SCHIP1: variants seen among roughly 807,000 people sequenced by gnomAD.
SCHIP1 encodes schwannomin interacting protein 1, also known as schwannomin-interacting protein 1.
SCHIP1 carries 8 observed loss-of-function variants against 29.7 expected under a neutral mutation model. The observed-to-expected ratio is 0.27, with a 90% CI of 0.16 to 0.49. The LOEUF (loss-of-function observed/expected upper bound fraction) is 0.49, where lower values mean the gene tolerates loss of function less well. SCHIP1 is among the 20% of genes least tolerant of loss of function. The pLI, the probability that SCHIP1 is intolerant of heterozygous loss-of-function variation, is 0.99. For missense variants in SCHIP1, 193 were observed against 294.6 expected, an observed-to-expected ratio of 0.66 and a Z score of 2.52; for synonymous variants, 76 against 94.9, an observed-to-expected ratio of 0.80 and a Z score of 1.16.
At chr3:159,582,536 G>C in the SCHIP1 span, among the ~76,000 whole-genome samples, 2 of 151,956 alleles carry the variant, frequency 1.3e-5, no homozygotes. Flanking sequence ...CTTTTGCCAG[G>C]CAGCCTGAGT....
chr3:159,877,102 A>G (rs534440376), intron 2 of SCHIP1, among the ~76,000 whole-genome samples: 7 of 152,330 alleles, frequency 4.6e-5, no homozygotes, highest in Non-Finnish European at 5.9e-5. Context: ...TAATCCCAGC[A>G]CTTTAGGAGG....
At chr3:159,837,848 C>T (rs958136285), upstream of SCHIP1, among the ~76,000 whole-genome samples, 2 of 152,174 alleles carry the variant, frequency 1.3e-5, no homozygotes, top group African/African-American at 4.8e-5. Flanking sequence ...TTTCTTATCC[C>T]TGAAAAGTTT....
chr3:159,713,256 GA>G, the SCHIP1 span, among the ~76,000 whole-genome samples: 6 of 147,368 alleles, frequency 4.1e-5, no homozygotes, highest in South Asian at 6.5e-4. Flanking sequence ...AAGAAAGAAA[GA>G]AAGAAAGAAA....
chr3:159,792,924 A>G, the SCHIP1 span, among the ~76,000 whole-genome samples: 2 of 152,218 alleles, frequency 1.3e-5, no homozygotes, highest in Non-Finnish European at 1.5e-5. Context: ...GAATTTGTTC[A>G]TAGCCTTAAG....
At chr3:159,804,315 C>G in the SCHIP1 span, among the ~76,000 whole-genome samples, 1 of 152,192 alleles carries the variant, frequency 6.6e-6, no homozygotes, top group Admixed American at 6.5e-5. Context: ...TCATTACTTT[C>G]AAAGGTCTGT....
the SCHIP1 span, among the ~76,000 whole-genome samples, chr3:159,688,261 A>T: frequency 6.6e-6 from 1 of 152,110 alleles, no homozygotes; most frequent in African/African-American, 2.4e-5. Flanking sequence ...CTCCAGCATC[A>T]GTTGTTTCCT....
the SCHIP1 span, among the ~76,000 whole-genome samples, chr3:159,732,276 C>T: frequency 2.0e-5 from 3 of 152,236 alleles, no homozygotes; most frequent in Non-Finnish European, 2.9e-5. Flanking sequence ...AAACAGGTTC[C>T]AAAGCAGTCA....
chr3:159,410,677 A>G, the SCHIP1 span, among the ~76,000 whole-genome samples: 121,575 of 152,070 alleles, frequency 0.8, 48,811 homozygotes, highest in Middle Eastern at 0.83. Flanking sequence ...CTGTCGGTAG[A>G]AATGTAAGTT....
At chr3:159,423,631 G>A in the SCHIP1 span, among the ~76,000 whole-genome samples, 3 of 152,154 alleles carry the variant, frequency 2.0e-5, no homozygotes, top group Admixed American at 6.5e-5. Flanking sequence ...TGGGGGCAGC[G>A]CACAGACAAA....
the SCHIP1 span, among the ~76,000 whole-genome samples, chr3:159,623,868 T>C: frequency 6.6e-6 from 1 of 152,132 alleles, no homozygotes; most frequent in South Asian, 2.1e-4. Flanking sequence ...ACGTTTTCTT[T>C]CTCTCACAAA....
chr3:159,330,643 A>G, the SCHIP1 span, among the ~76,000 whole-genome samples: 1 of 152,202 alleles, frequency 6.6e-6, no homozygotes, highest in Non-Finnish European at 1.5e-5. Flanking sequence ...CTGACAGGTC[A>G]TAAAATGTTA....
chr3:159,831,111 G>A, the SCHIP1 span, among the ~76,000 whole-genome samples: 4 of 152,336 alleles, frequency 2.6e-5, 1 homozygote, highest in Admixed American at 2.6e-4. Context: ...CTCTTAGCCT[G>A]ATGAGAAGCT....
the SCHIP1 span, among the ~76,000 whole-genome samples, chr3:159,331,227 A>G: frequency 6.6e-6 from 1 of 152,138 alleles, no homozygotes; most frequent in Non-Finnish European, 1.5e-5. Context: ...GACAGGACAC[A>G]AGACACCTTA....
the SCHIP1 span, among the ~76,000 whole-genome samples, chr3:159,371,877 T>TTGAC: frequency 1.3e-5 from 2 of 152,302 alleles, no homozygotes; most frequent in African/African-American, 4.8e-5. Flanking sequence ...AAATGTATTT[T>TTGAC]TGACTTGTGA....
At chr3:159,582,685 T>A in the SCHIP1 span, among the ~76,000 whole-genome samples, 1 of 151,918 alleles carries the variant, frequency 6.6e-6, no homozygotes, top group South Asian at 2.1e-4. Flanking sequence ...TATATATAAT[T>A]AGCTTAATTG....
the SCHIP1 span, among the ~76,000 whole-genome samples, chr3:159,515,655 T>C: frequency 1.4e-3 from 211 of 152,342 alleles, 2 homozygotes; most frequent in African/African-American, 4.9e-3. Context: ...CTAAGGCATA[T>C]ATAGTGCAAT....
the SCHIP1 span, among the ~76,000 whole-genome samples, chr3:159,658,636 T>A: frequency 6.6e-6 from 1 of 152,172 alleles, no homozygotes; most frequent in African/African-American, 2.4e-5. Context: ...GGCAATCTAA[T>A]CAAGTCTCAC....
the SCHIP1 span, among the ~76,000 whole-genome samples, chr3:159,429,837 A>C: frequency 6.6e-6 from 1 of 152,144 alleles, no homozygotes; most frequent in Non-Finnish European, 1.5e-5. Context: ...CCTCTGAAGA[A>C]TTTTTATCCC....
exon 2 of SCHIP1, chr3:159,866,261 G>C (rs17853662): frequency 6.2e-7 from 1 of 1,613,522 alleles, no homozygotes; most frequent in Non-Finnish European, 8.5e-7. Flanking sequence ...GCAAAAGTGG[G>C]AAGCCAAGCC....
Sources: allele counts gnomAD v4.1 joint callset (sites outside exome capture counted in the v4.1 genomes callset), GRCh38; gene constraint gnomAD v4.1.1; transcripts MANE v1.5; gene names NCBI Gene and HGNC (gene_info 2026-07-23, HGNC 2026-07-21).